Variants in ATP2C1 observed in about 807,000 individuals in gnomAD.
The protein encoded by ATP2C1 is calcium-transporting ATPase type 2C member 1.
Under a neutral mutation model 120.5 loss-of-function variants are expected in ATP2C1, and 31 were observed. The ratio of observed to expected loss-of-function variants is 0.26; its 90% CI spans 0.19 to 0.35. The LOEUF is 0.35. Among genes scored for constraint, ATP2C1 ranks in the 10% least tolerant of loss-of-function variants. The pLI is 1.00. For synonymous variants in ATP2C1, 351 were observed against 358.7 expected (o/e 0.98, Z 0.24); for missense variants, 731 against 1,107.5 (o/e 0.66, Z 4.83).
In ATP2C1 at chr3:130,994,242, T is replaced by C. The variant is rs2062492996; in HGVS notation, c.2057+144T>C. ...ACTTTTCTAGGGTAATTATCCTATT[T>C]TATGGTATGAAGAAGATGATTTGTG... On this transcript the variant is annotated intron_variant, in intron 22 of 27. Transcript: ENST00000510168. 1.2e-5 allele frequency: 11 copies of C among 948,182 alleles called. No individual in the cohort carries two copies. In the South Asian group the frequency reaches 1.7e-4, roughly 15 times the overall value. The allele number at this position is 948,182 out of a possible 1,614,324, so 58.7% of individuals were successfully genotyped here.
intron 12 of ATP2C1, chr3:130,963,589 G>A (rs1007884534): frequency 6.2e-5 from 14 of 227,540 alleles, no homozygotes; most frequent in African/African-American, 2.5e-4. Flanking sequence ...TTTGGCTATC[G>A]TGAATAGTGT....
intron 14 of ATP2C1, 143 bp downstream of exon 14, chr3:130,965,188 C>A: frequency 3.0e-6 from 2 of 673,244 alleles, no homozygotes; most frequent in South Asian, 1.6e-5. Context: ...TGTGATTTTA[C>A]CAAGTCTTTG....
At chr3:131,013,181 C>CTAA (rs765398317) in intron 26 of ATP2C1, among the ~76,000 whole-genome samples, 3 of 152,194 alleles carry the variant, frequency 2.0e-5, no homozygotes, top group Non-Finnish European at 4.4e-5. Context: ...CTGGGTATTT[C>CTAA]TAATTTTAGC....
At chr3:130,902,297 G>GTTTTTTTT (rs398052267) in intron 2 of ATP2C1, among the ~76,000 whole-genome samples, 8 of 13,250 alleles carry the variant, frequency 6.0e-4, no homozygotes, top group African/African-American at 1.4e-3. Flanking sequence ...TTTTTTTTTT[G>GTTTTTTTT]TTTTTTTTTT....
intron 1 of ATP2C1, among the ~76,000 whole-genome samples, chr3:130,861,522 T>C (rs1328310842): frequency 6.6e-6 from 1 of 152,198 alleles, no homozygotes; most frequent in Non-Finnish European, 1.5e-5. Context: ...CTATTTGGGT[T>C]CTCAATGGAT....
intron 20 of ATP2C1, among the ~76,000 whole-genome samples, chr3:130,989,951 T>A (rs2062240236): frequency 6.6e-6 from 1 of 152,164 alleles, no homozygotes; most frequent in African/African-American, 2.4e-5. Context: ...TCTGAATGGA[T>A]TTTTGAACTT....
At chr3:131,009,532 T>C (rs2063238860) in intron 26 of ATP2C1, among the ~76,000 whole-genome samples, 1 of 152,238 alleles carries the variant, frequency 6.6e-6, no homozygotes, top group Admixed American at 6.5e-5. Flanking sequence ...CTTTCATGTA[T>C]TATCTCATTC....
intron 26 of ATP2C1, among the ~76,000 whole-genome samples, chr3:131,008,258 C>T (rs902005171): frequency 4.6e-5 from 7 of 151,768 alleles, no homozygotes; most frequent in South Asian, 4.2e-4. Flanking sequence ...GCCAACATGG[C>T]GAAACTAAAA....
intron 2 of ATP2C1, among the ~76,000 whole-genome samples, chr3:130,926,244 A>G (rs1159079342): frequency 6.6e-6 from 1 of 152,172 alleles, no homozygotes; most frequent in African/African-American, 2.4e-5. Flanking sequence ...AGAATGGGAG[A>G]TACAAGCTAG....
At chr3:130,951,069 C>T (rs537593215) in intron 8 of ATP2C1, among the ~76,000 whole-genome samples, 2 of 152,064 alleles carry the variant, frequency 1.3e-5, no homozygotes, top group African/African-American at 2.4e-5. Flanking sequence ...TGGAAAGTTA[C>T]GTGCAACTCT....
intron 2 of ATP2C1, among the ~76,000 whole-genome samples, chr3:130,907,279 A>G (rs1004010125): frequency 1.3e-5 from 2 of 152,100 alleles, no homozygotes; most frequent in Non-Finnish European, 1.5e-5. Flanking sequence ...GGTATCCTCT[A>G]CATCAGAAAC....
chr3:130,929,281 A>G (rs2059354255), intron 2 of ATP2C1, among the ~76,000 whole-genome samples: 1 of 152,220 alleles, frequency 6.6e-6, no homozygotes, highest in African/African-American at 2.4e-5. Context: ...TGATTGTTCC[A>G]GAAACTCAGT....
chr3:130,994,116 G>T lies in ATP2C1; in HGVS notation c.2057+18G>T. On this transcript the variant is annotated intron_variant, in intron 22 of 27. Transcript: ENST00000510168. The stretch of plus-strand genomic sequence containing the variant: ...ACCATAATGTAAGCTTTGTTTCAGT[G>T]AATGCCTATCAGAGAATCTTCCCCT... The T allele has an allele frequency of 6.2e-7, 1 of 1,613,782 alleles. No homozygotes were observed. Among genetic ancestry groups the T allele is most frequent in the South Asian group, 1.1e-5 (1 of 91,062 alleles).
intron 8 of ATP2C1, among the ~76,000 whole-genome samples, chr3:130,946,554 C>A (rs1260725415): frequency 6.6e-6 from 1 of 152,234 alleles, no homozygotes; most frequent in Non-Finnish European, 1.5e-5. Flanking sequence ...GGCTCACATT[C>A]TTGCCCAGTC....
intron 19 of ATP2C1, among the ~76,000 whole-genome samples, chr3:130,979,717 G>A (rs2108774877): frequency 6.6e-6 from 1 of 152,232 alleles, no homozygotes. Flanking sequence ...ACTAGATCAT[G>A]ATTGTCAAAG....
rs751177081 is a variant in ATP2C1 at position 130,930,535 on chromosome 3, T to C, written c.117+9T>C. 2 of 1,553,886 alleles carry C rather than the reference T, an allele frequency of 1.3e-6. No homozygotes were observed. The highest frequency in any genetic ancestry group is 3.3e-5 in the Admixed American group (2 of 59,902). On this transcript the variant is annotated intron_variant, in intron 3 of 27. Transcript: ENST00000510168. ...TTGCAAGCATTCTCCAAGTAAGTGG[T>C]TAGTGGGGAGGAAGGGACTAGATGG...
chr3:130,935,621 A>C, intron 5 of ATP2C1, among the ~76,000 whole-genome samples: 1 of 152,224 alleles, frequency 6.6e-6, no homozygotes, highest in African/African-American at 2.4e-5. Flanking sequence ...CATTTTAATA[A>C]TACTAAAACA....
chr3:130,894,121 G>T lies in ATP2C1; in HGVS notation c.-397G>T, dbSNP rs1217305331. 1.1e-5 allele frequency: 11 copies of T among 968,798 alleles called. No homozygotes were observed. The highest frequency in any genetic ancestry group is 1.3e-5 in the Non-Finnish European group (11 of 814,842). The allele number at this position is 968,798 out of a possible 1,614,324, so 60.0% of individuals were successfully genotyped here. On this transcript the variant is annotated 5_prime_UTR_variant, in exon 1 of 28. Coordinates refer to ENST00000510168, the MANE Select transcript of ATP2C1 (RefSeq NM_001378687.1). This position sits in a 1 kb window ranked among gnomAD's most constrained non-coding sequence, Gnocchi z 4.5. ...CCTCGCGGAGCCGGCCCGGCGGACC[G>T]TGACGGGTCCCCTCACCTCCTCTTC...
At chr3:130,894,023 G>T (rs977953547), upstream of ATP2C1, 20 of 986,248 alleles carry the variant, frequency 2.0e-5, no homozygotes, top group Non-Finnish European at 2.4e-5. The surrounding 1 kb of genome is among the most constrained non-coding windows in gnomAD (Gnocchi z 4.5). Flanking sequence ...CCAGGAGTGC[G>T]GGGCGCGACT....
Sources: gnomAD v4.1 joint callset for allele counts (sites outside exome capture counted in the v4.1 genomes callset) on GRCh38, gnomAD v4.1.1 for gene constraint, Gnocchi (gnomAD v3.1) non-coding constraint, MANE v1.5 for transcripts, NCBI Gene and HGNC (gene_info 2026-07-23, HGNC 2026-07-21) for gene names.